MACROD2: variants seen among roughly 807,000 people sequenced by gnomAD.
MACROD2 encodes mono-ADP ribosylhydrolase 2.
In MACROD2, 36 loss-of-function variants were observed where a neutral mutation model predicts 70.4. The observed-to-expected ratio is 0.51, with a 90% confidence interval of 0.39 to 0.68. The LOEUF (loss-of-function observed/expected upper bound fraction) is 0.68, where lower values mean the gene tolerates loss of function less well. Among genes scored for constraint, MACROD2 ranks in the 30% least tolerant of loss-of-function variants. MACROD2 has a pLI of 0.00. For missense variants in MACROD2, 496 were observed against 538.4 expected, an observed-to-expected ratio of 0.92 and a Z score of 0.78; for synonymous variants, 172 against 178.8, an observed-to-expected ratio of 0.96 and a Z score of 0.30.
intron 5 of MACROD2, among the ~76,000 whole-genome samples, chr20:14,945,792 T>A (rs2074426640): frequency 6.6e-6 from 1 of 152,032 alleles, no homozygotes; most frequent in East Asian, 1.9e-4. Context: ...AATGAGAAAA[T>A]AAACTTAGTA....
chr20:14,783,741 C>T (rs1220379697), intron 5 of MACROD2, among the ~76,000 whole-genome samples: 1 of 152,040 alleles, frequency 6.6e-6, no homozygotes, highest in Non-Finnish European at 1.5e-5. Flanking sequence ...AAAAGCCCAT[C>T]AATAAATGTA....
chr20:15,159,211 A>G (rs1404248257), intron 5 of MACROD2, among the ~76,000 whole-genome samples: 1 of 152,122 alleles, frequency 6.6e-6, no homozygotes, highest in Non-Finnish European at 1.5e-5. Flanking sequence ...CAAAAAGGGT[A>G]AAGCCACTGG....
At chr20:14,715,766 T>G (rs2071390501) in intron 5 of MACROD2, among the ~76,000 whole-genome samples, 1 of 152,160 alleles carries the variant, frequency 6.6e-6, no homozygotes, top group Non-Finnish European at 1.5e-5. Flanking sequence ...AAAGGTTGAT[T>G]GTAGTTTTTA....
chr20:15,885,733 T>C (rs1301781672), intron 9 of MACROD2, 31 bp from the exon 10 acceptor site: 1 of 1,459,710 alleles, frequency 6.9e-7, no homozygotes, highest in Non-Finnish European at 9.1e-7. Flanking sequence ...TTCATATAAG[T>C]ATTTCTTTAT....
intron 6 of MACROD2, among the ~76,000 whole-genome samples, chr20:15,241,145 A>G (rs533774409): frequency 1.3e-5 from 2 of 152,182 alleles, no homozygotes; most frequent in Non-Finnish European, 2.9e-5. Flanking sequence ...TTATAACAGT[A>G]TGTACTTCCT....
intron 8 of MACROD2, among the ~76,000 whole-genome samples, chr20:15,686,370 T>A (rs554026934): frequency 1.3e-5 from 2 of 152,116 alleles, no homozygotes; most frequent in African/African-American, 2.4e-5. Flanking sequence ...TATAAAAGAT[T>A]TGAAAATCAC....
At chr20:15,287,260 G>T (rs930087792) in intron 6 of MACROD2, among the ~76,000 whole-genome samples, 2 of 152,152 alleles carry the variant, frequency 1.3e-5, no homozygotes, top group African/African-American at 4.8e-5. Flanking sequence ...AATAAATATT[G>T]TATACATGTG....
intron 5 of MACROD2, among the ~76,000 whole-genome samples, chr20:14,823,731 T>C (rs1239865653): frequency 1.3e-5 from 2 of 152,134 alleles, no homozygotes; most frequent in Middle Eastern, 3.2e-3. Flanking sequence ...AGAACTGTAG[T>C]TGGGTGTAAT....
At chr20:15,825,222 T>C (rs1019698755) in intron 8 of MACROD2, among the ~76,000 whole-genome samples, 2 of 152,210 alleles carry the variant, frequency 1.3e-5, no homozygotes, top group Non-Finnish European at 2.9e-5. Flanking sequence ...GCAGCCCTTG[T>C]GACTACTGAA....
intron 5 of MACROD2, among the ~76,000 whole-genome samples, chr20:14,997,848 A>G (rs1474140071): frequency 2.6e-5 from 4 of 152,128 alleles, no homozygotes; most frequent in Non-Finnish European, 4.4e-5. Flanking sequence ...GACGGCAGCT[A>G]TAGGGGTATT....
intron 5 of MACROD2, among the ~76,000 whole-genome samples, chr20:15,171,550 T>C (rs1302348058): frequency 6.6e-6 from 1 of 152,052 alleles, no homozygotes; most frequent in Non-Finnish European, 1.5e-5. Context: ...ACAAGTTGCT[T>C]CCTGATCTGC....
intron 5 of MACROD2, among the ~76,000 whole-genome samples, chr20:14,726,893 CTT>C (rs2071536785): frequency 6.6e-6 from 1 of 152,072 alleles, no homozygotes; most frequent in Admixed American, 6.5e-5. Context: ...GTGTTTACTA[CTT>C]TTTCCATAAA....
At chr20:14,436,281 G>C (rs540479256) in intron 3 of MACROD2, among the ~76,000 whole-genome samples, 1 of 152,134 alleles carries the variant, frequency 6.6e-6, no homozygotes, top group Admixed American at 6.5e-5. Context: ...CCCTGATTTC[G>C]CTCATTAATG....
At chr20:15,244,936 A>T (rs1183328479) in intron 6 of MACROD2, among the ~76,000 whole-genome samples, 1 of 152,228 alleles carries the variant, frequency 6.6e-6, no homozygotes, top group African/African-American at 2.4e-5. Context: ...ACTGTAAGTT[A>T]TTACTTATAA....
At chr20:14,264,306 G>A (rs935798288) in intron 3 of MACROD2, among the ~76,000 whole-genome samples, 2 of 152,152 alleles carry the variant, frequency 1.3e-5, no homozygotes, top group Admixed American at 6.5e-5. Context: ...GAGCAACTGT[G>A]AGAGACTAGT....
intron 8 of MACROD2, among the ~76,000 whole-genome samples, chr20:15,667,308 G>A (rs2049912882): frequency 6.6e-6 from 1 of 152,142 alleles, no homozygotes; most frequent in Non-Finnish European, 1.5e-5. Context: ...TCCGCTGTGA[G>A]TAAAATCTCC....
intron 5 of MACROD2, among the ~76,000 whole-genome samples, chr20:15,021,013 T>C (rs1314865873): frequency 2.0e-5 from 3 of 147,526 alleles, no homozygotes; most frequent in South Asian, 2.1e-4. Flanking sequence ...TACACATGTG[T>C]ATATGTATAC....
At chr20:14,934,077 C>T (rs1276196655) in intron 5 of MACROD2, 1 of 152,186 alleles carries the variant, frequency 6.6e-6, no homozygotes, top group Non-Finnish European at 1.5e-5. Flanking sequence ...GGCCATCTGG[C>T]CCTCAGAGTT....
At chr20:15,149,828 A>G (rs1288391509) in intron 5 of MACROD2, among the ~76,000 whole-genome samples, 1 of 151,996 alleles carries the variant, frequency 6.6e-6, no homozygotes, top group Non-Finnish European at 1.5e-5. Flanking sequence ...GCTGTGTGTA[A>G]TGAAAAGGGT....
Sources: allele counts gnomAD v4.1 joint callset (sites outside exome capture counted in the v4.1 genomes callset), GRCh38; gene constraint gnomAD v4.1.1; transcripts MANE v1.5; gene names NCBI Gene and HGNC (gene_info 2026-07-23, HGNC 2026-07-21).